ABCG2: variants seen among roughly 807,000 people sequenced by gnomAD.
The protein encoded by ABCG2 is ATP binding cassette subfamily G member 2 (JR blood group), also known as broad substrate specificity ATP-binding cassette transporter ABCG2.
ABCG2 carries 80 observed loss-of-function variants against 73.5 expected under a neutral mutation model. The observed-to-expected ratio is 1.09, with a 90% CI of 0.91 to 1.31. The LOEUF (loss-of-function observed/expected upper bound fraction) is 1.31. Among genes scored for constraint, ABCG2 ranks in the 50% most tolerant of loss-of-function variants. ABCG2 has a pLI of 0.00. For synonymous variants in ABCG2, 269 were observed against 282.4 expected (o/e 0.95, Z 0.48); for missense variants, 796 against 786.2 (o/e 1.01, Z -0.15).
chr4:88,128,053 T>C (rs1281035837), intron 5 of ABCG2, among the ~76,000 whole-genome samples: 1 of 151,500 alleles, frequency 6.6e-6, no homozygotes. Context: ...ATCCAGAAAC[T>C]ACAAAGACCT....
At chr4:88,214,519 A>T (rs1729733349) in intron 1 of ABCG2, among the ~76,000 whole-genome samples, 1 of 152,130 alleles carries the variant, frequency 6.6e-6, no homozygotes, top group African/African-American at 2.4e-5. Context: ...ACAATATGCC[A>T]GAGAGAGCAG....
chr4:88,176,003 C>CAT (rs1727951145), intron 1 of ABCG2, among the ~76,000 whole-genome samples: 1 of 152,164 alleles, frequency 6.6e-6, no homozygotes, highest in Non-Finnish European at 1.5e-5. Flanking sequence ...TCCAATCCTC[C>CAT]ATATATAACA....
intron 1 of ABCG2, among the ~76,000 whole-genome samples, chr4:88,228,098 A>AT (rs2110135899): frequency 6.6e-6 from 1 of 152,348 alleles, no homozygotes; most frequent in South Asian, 2.1e-4. Flanking sequence ...TGCTTTGTAC[A>AT]GTTGGATAAT....
chr4:88,166,202 T>A (rs1209108901), intron 1 of ABCG2, among the ~76,000 whole-genome samples: 1 of 152,174 alleles, frequency 6.6e-6, no homozygotes, highest in African/African-American at 2.4e-5. Context: ...CTGCCATAAA[T>A]TCCCTCTTGG....
intron 1 of ABCG2, among the ~76,000 whole-genome samples, chr4:88,228,168 C>T (rs1730305585): frequency 6.6e-6 from 1 of 152,176 alleles, no homozygotes; most frequent in Non-Finnish European, 1.5e-5. Context: ...TGCACTTTCC[C>T]TTCTCCTGTT....
At chr4:88,135,407 C>A (rs1320726587) in intron 2 of ABCG2, among the ~76,000 whole-genome samples, 1 of 152,172 alleles carries the variant, frequency 6.6e-6, no homozygotes, top group African/African-American at 2.4e-5. Context: ...ATAAAATTTA[C>A]CCCAAAATTT....
intron 13 of ABCG2, among the ~76,000 whole-genome samples, chr4:88,096,871 A>G (rs1722016501): frequency 6.6e-6 from 1 of 152,186 alleles, no homozygotes; most frequent in Admixed American, 6.5e-5. Context: ...TTTTCAAAAT[A>G]CGAGAGGGAA....
In ABCG2 at chr4:88,158,468, G is replaced by T. The variant is rs1159607924; in HGVS notation, c.-102C>A. ...CGGAGGCAGCGCTTTAACAATTAAG[G>T]ATGTAAATGTTGGGATGAGTCACCC... On this transcript the variant is annotated 5_prime_UTR_variant, in exon 1 of 16. Transcript: ENST00000237612. 2.2e-6 allele frequency: 1 copy of T among 455,924 alleles called. No homozygotes were observed. Among genetic ancestry groups the T allele is most frequent in the East Asian group, 7.0e-5 (1 of 14,354 alleles). 28.2% of individuals were successfully genotyped at this position (455,924 alleles called of 1,614,324 possible). A position where few individuals can be genotyped will look rare whatever the true frequency, so the allele number is the denominator to read the frequency against.
intron 1 of ABCG2, among the ~76,000 whole-genome samples, chr4:88,174,495 T>C (rs1727878285): frequency 6.6e-6 from 1 of 152,198 alleles, no homozygotes; most frequent in African/African-American, 2.4e-5. Flanking sequence ...CCAAAGGACA[T>C]GAACTCATTC....
At chr4:88,177,360 G>C (rs1324127713) in intron 1 of ABCG2, among the ~76,000 whole-genome samples, 6 of 150,880 alleles carry the variant, frequency 4.0e-5, no homozygotes, top group East Asian at 1.9e-4. Context: ...GCGACAGAGC[G>C]AGACTCCGTC....
chr4:88,193,047 G>A (rs147485298), intron 1 of ABCG2, among the ~76,000 whole-genome samples: 1 of 151,934 alleles, frequency 6.6e-6, no homozygotes, highest in Non-Finnish European at 1.5e-5. Flanking sequence ...AAGTGACAAT[G>A]TGCCCTTTCA....
intron 1 of ABCG2, among the ~76,000 whole-genome samples, chr4:88,151,687 C>A (rs187384329): frequency 1.9e-4 from 29 of 150,066 alleles, no homozygotes; most frequent in African/African-American, 6.9e-4. Flanking sequence ...TGCAGTGAGC[C>A]GAGATGGCGC....
chr4:88,122,762 T>G (rs565404055), intron 5 of ABCG2, among the ~76,000 whole-genome samples: 8 of 152,336 alleles, frequency 5.3e-5, no homozygotes, highest in African/African-American at 1.9e-4. Flanking sequence ...CGTTCCTGCC[T>G]GCTGGCTTTG....
chr4:88,215,504 A>G (rs2110126731), intron 1 of ABCG2, among the ~76,000 whole-genome samples: 1 of 152,346 alleles, frequency 6.6e-6, no homozygotes, highest in African/African-American at 2.4e-5. Context: ...CTAAGACATA[A>G]GGAAATGCAC....
At chr4:88,220,538 G>T in intron 1 of ABCG2, 1 of 152,682 alleles carries the variant, frequency 6.5e-6, no homozygotes. Flanking sequence ...TTATTGGGGT[G>T]GCTTCCCATT....
chr4:88,200,887 T>C (rs1490823769), intron 1 of ABCG2, among the ~76,000 whole-genome samples: 1 of 152,130 alleles, frequency 6.6e-6, no homozygotes, highest in South Asian at 2.1e-4. Flanking sequence ...CAATTGTATA[T>C]GTAGAAATTT....
chr4:88,196,917 C>T (rs770862944), intron 1 of ABCG2, among the ~76,000 whole-genome samples: 31 of 151,980 alleles, frequency 2.0e-4, no homozygotes, highest in Admixed American at 5.2e-4. Flanking sequence ...CAGAGGCTAA[C>T]CTATTGAGGT....
intron 1 of ABCG2, among the ~76,000 whole-genome samples, chr4:88,156,537 C>T (rs1726957866): frequency 6.6e-6 from 1 of 151,970 alleles, no homozygotes; most frequent in Non-Finnish European, 1.5e-5. Context: ...AAACAAATAT[C>T]CATGAGCCCA....
chr4:88,097,640 A>C, intron 12 of ABCG2, 33 bp from the exon 13 acceptor site: 1 of 1,609,212 alleles, frequency 6.2e-7, no homozygotes. Flanking sequence ...AGTTAACCCA[A>C]CTGCCTAGGT....
Sources: gnomAD v4.1 joint callset for allele counts (sites outside exome capture counted in the v4.1 genomes callset) on GRCh38, gnomAD v4.1.1 for gene constraint, MANE v1.5 for transcripts, NCBI Gene and HGNC (gene_info 2026-07-23, HGNC 2026-07-21) for gene names.